The following PSD3 variants were observed in gnomAD, a reference collection of about 807,000 sequenced individuals.
The protein encoded by PSD3 is PH and SEC7 domain-containing protein 3.
A neutral mutation model predicts 105.5 loss-of-function variants in PSD3; 49 were observed. The observed-to-expected ratio is 0.46, with a 90% CI of 0.37 to 0.59. The LOEUF (loss-of-function observed/expected upper bound fraction) is 0.59, where lower values mean the gene tolerates loss of function less well. Ranked by LOEUF, PSD3 falls within the 20% of genes least tolerant of loss-of-function variation. PSD3 has a pLI of 0.00. For missense variants in PSD3, 1,561 were observed against 1,263.8 expected (o/e 1.24, Z -3.57); for synonymous variants, 557 against 457.8 (o/e 1.22, Z -2.77).
intron 9 of PSD3, among the ~76,000 whole-genome samples, chr8:18,678,431 CTT>C: frequency 6.6e-6 from 1 of 152,176 alleles, no homozygotes; most frequent in Non-Finnish European, 1.5e-5. Context: ...ATTTATTTTT[CTT>C]TCTCTCTGCC....
At chr8:18,615,837 CG>C (rs1453573023) in intron 11 of PSD3, among the ~76,000 whole-genome samples, 1 of 152,154 alleles carries the variant, frequency 6.6e-6, no homozygotes, top group Non-Finnish European at 1.5e-5. Context: ...AAGGACAGAG[CG>C]AAGACCCTGC....
chr8:18,701,519 T>C (rs908643397), intron 9 of PSD3, among the ~76,000 whole-genome samples: 1 of 152,160 alleles, frequency 6.6e-6, no homozygotes, highest in Admixed American at 6.5e-5. Flanking sequence ...CGTTTATCAA[T>C]AGGGTAAGCT....
At chr8:18,772,395 A>AT (rs139806858) in intron 8 of PSD3, among the ~76,000 whole-genome samples, 2 of 151,808 alleles carry the variant, frequency 1.3e-5, no homozygotes, top group Non-Finnish European at 2.9e-5. Flanking sequence ...AATAGTTTCT[A>AT]TTTTTTTTGA....
chr8:18,903,966 C>CT (rs1554537264), intron 2 of PSD3, among the ~76,000 whole-genome samples: 4 of 152,166 alleles, frequency 2.6e-5, no homozygotes, highest in African/African-American at 9.6e-5. Context: ...CTACTTCTGC[C>CT]TGGGGAAGTG....
At chr8:18,774,099 A>G (rs1293740109) in intron 8 of PSD3, among the ~76,000 whole-genome samples, 1 of 152,148 alleles carries the variant, frequency 6.6e-6, no homozygotes, top group Non-Finnish European at 1.5e-5. Flanking sequence ...TTTAGTCCTA[A>G]TAGGTTTTTT....
At chr8:18,570,681 T>C in intron 14 of PSD3, among the ~76,000 whole-genome samples, 1 of 150,140 alleles carries the variant, frequency 6.7e-6, no homozygotes, top group Non-Finnish European at 1.5e-5. Context: ...CAGACACTTC[T>C]CAAAAGAAGA....
intron 14 of PSD3, among the ~76,000 whole-genome samples, chr8:18,558,350 T>C (rs944495862): frequency 6.6e-6 from 1 of 152,138 alleles, no homozygotes; most frequent in Admixed American, 6.5e-5. Flanking sequence ...CCTTCTTTTC[T>C]AAAAAAAGTT....
chr8:18,613,626 T>A (rs747924143), intron 11 of PSD3, among the ~76,000 whole-genome samples: 7 of 152,150 alleles, frequency 4.6e-5, no homozygotes, highest in Non-Finnish European at 7.4e-5. Flanking sequence ...GCTAGAATGT[T>A]CCTCTCCCAG....
Position 18,552,342 on chromosome 8 carries a change from TA to T in PSD3, c.2928+3866del, listed in dbSNP as rs377554992. 1.3e-3 allele frequency among the ~76,000 whole-genome samples: 195 copies of T among 152,348 alleles called. 1 individual carries two copies. Among genetic ancestry groups the T allele is most frequent in the African/African-American group, 4.6e-3 (191 of 41,578 alleles). ...CTTAAACGTTGCATCTGTAACATCT[TA>T]AATGTTGCAGGAAAAATATCTTGAA... On this transcript the variant is annotated intron_variant, in intron 15 of 15. Transcript: ENST00000327040.
intron 9 of PSD3, among the ~76,000 whole-genome samples, chr8:18,742,754 C>T (rs969438907): frequency 2.6e-5 from 4 of 152,182 alleles, no homozygotes; most frequent in African/African-American, 9.6e-5. Flanking sequence ...TTATTTATTA[C>T]TGGCAAAATG....
chr8:18,977,259 C>CAAAAAAAAA (rs36071554), intron 1 of PSD3, among the ~76,000 whole-genome samples: 1 of 113,180 alleles, frequency 8.8e-6, no homozygotes, highest in Non-Finnish European at 1.7e-5. Context: ...CACCCTATCT[C>CAAAAAAAAA]AAAAAAAAAA....
intron 1 of PSD3, among the ~76,000 whole-genome samples, chr8:18,962,161 T>A (rs1193511984): frequency 6.6e-6 from 1 of 151,174 alleles, no homozygotes; most frequent in Non-Finnish European, 1.5e-5. Context: ...CAGGAGAATC[T>A]CTCGAATCTG....
At chr8:18,796,871 T>C (rs766714951) in intron 8 of PSD3, among the ~76,000 whole-genome samples, 6 of 152,196 alleles carry the variant, frequency 3.9e-5, no homozygotes, top group Non-Finnish European at 8.8e-5. Context: ...GGTCATATTC[T>C]AGGTAGTATA....
intron 14 of PSD3, among the ~76,000 whole-genome samples, chr8:18,567,830 G>C (rs990736659): frequency 1.3e-5 from 2 of 152,178 alleles, no homozygotes; most frequent in African/African-American, 4.8e-5. Flanking sequence ...TAGTTTGGAT[G>C]CTTGTCCCCT....
chr8:18,663,774 G>A (rs1014098475), intron 9 of PSD3, among the ~76,000 whole-genome samples: 2 of 152,166 alleles, frequency 1.3e-5, no homozygotes, highest in African/African-American at 4.8e-5. Flanking sequence ...TCACTGTATT[G>A]TGCTTTGCCT....
chr8:18,690,291 C>T (rs1176818848), intron 9 of PSD3, among the ~76,000 whole-genome samples: 2 of 152,168 alleles, frequency 1.3e-5, no homozygotes, highest in African/African-American at 4.8e-5. Flanking sequence ...ACCTTTCGTT[C>T]TCTGAGTGCT....
rs1007148557 is a variant in PSD3 at position 18,575,548 on chromosome 8, T to G, written c.2482-263A>C. On this transcript the variant is annotated intron_variant, in intron 12 of 15. Coordinates refer to ENST00000327040, the MANE Select transcript of PSD3 (RefSeq NM_015310.4). ...TTTTAAAAAACTGATATACAATAATTGAGGTAAATAGCTAAGTAAGGCCAA... is the reference window on the plus strand; with the variant it reads ...TTTTAAAAAACTGATATACAATAATGGAGGTAAATAGCTAAGTAAGGCCAA... Among the ~76,000 whole-genome samples, 5 of 152,256 alleles carry G rather than the reference T, an allele frequency of 3.3e-5. No homozygotes were observed. In the East Asian group the frequency reaches 7.7e-4, roughly 23 times the overall value.
intron 4 of PSD3, among the ~76,000 whole-genome samples, chr8:18,820,117 T>C (rs1479588795): frequency 6.6e-6 from 1 of 151,458 alleles, no homozygotes; most frequent in Non-Finnish European, 1.5e-5. Flanking sequence ...TTAAGAATTA[T>C]TAGAAACTCC....
chr8:18,799,180 A>G lies in PSD3; in HGVS notation c.2082+115T>C, dbSNP rs1038116752. ...AAAGATTTCTTTTTATTCACCTGCC[A>G]TGGGAACCATGTAGAGAATGGGAAA... On this transcript the variant is annotated intron_variant, in intron 8 of 15. Coordinates refer to ENST00000327040, the MANE Select transcript of PSD3 (RefSeq NM_015310.4). 3.8e-5 allele frequency: 34 copies of G among 904,330 alleles called. No homozygotes were observed. In the African/African-American group the frequency reaches 4.3e-4, roughly 12 times the overall value. The allele number at this position is 904,330 out of a possible 1,614,324, so 56.0% of individuals were successfully genotyped here. A position where few individuals can be genotyped will look rare whatever the true frequency, so the allele number is the denominator to read the frequency against.
Sources: allele counts gnomAD v4.1 joint callset (sites outside exome capture counted in the v4.1 genomes callset), GRCh38; gene constraint gnomAD v4.1.1; transcripts MANE v1.5; gene names NCBI Gene and HGNC (gene_info 2026-07-23, HGNC 2026-07-21).